Variants in ZFYVE28 observed in about 807,000 individuals in gnomAD.
The protein encoded by ZFYVE28 is zinc finger FYVE-type containing 28, also known as lateral signaling target protein 2 homolog.
Under a neutral mutation model 82.1 loss-of-function variants are expected in ZFYVE28, and 40 were observed. The observed-to-expected ratio is 0.49, with a 90% confidence interval of 0.38 to 0.63. ZFYVE28 has a LOEUF of 0.63. Among genes scored for constraint, ZFYVE28 ranks in the 30% least tolerant of loss-of-function variants. The probability of loss-of-function intolerance (pLI) is 0.00; values close to 1 mark genes in which losing one functional copy is unlikely to be tolerated. For missense variants in ZFYVE28, 1,321 were observed against 1,242.1 expected, an observed-to-expected ratio of 1.06 and a Z score of -0.96; for synonymous variants, 612 against 546.1, an observed-to-expected ratio of 1.12 and a Z score of -1.68.
intron 1 of ZFYVE28, among the ~76,000 whole-genome samples, chr4:2,398,355 G>A (rs915616254): frequency 6.6e-6 from 1 of 152,210 alleles, no homozygotes; most frequent in Non-Finnish European, 1.5e-5. Flanking sequence ...GCTTCTTCAA[G>A]GACTTCTGCT....
chr4:2,369,688 GGCCT>G (rs1727284386), intron 1 of ZFYVE28, among the ~76,000 whole-genome samples: 1 of 151,830 alleles, frequency 6.6e-6, no homozygotes, highest in East Asian at 1.9e-4. Flanking sequence ...CGGTGTGACG[GGCCT>G]GTAAGAAACC....
In ZFYVE28 at chr4:2,416,066, A is replaced by G. The variant is rs1006441253; in HGVS notation, c.39+2219T>C. Reference sequence around the variant, plus strand: ...TTCCATCCCTTCTCCGGAGGCACACAGCTCTGGGCTGATCCCTGGGATCAG... The same window carrying G: ...TTCCATCCCTTCTCCGGAGGCACACGGCTCTGGGCTGATCCCTGGGATCAG... On this transcript the variant is annotated intron_variant, in intron 1 of 12. Transcript: ENST00000290974. The surrounding 1 kb of genome is among the most constrained non-coding windows in gnomAD (Gnocchi z 4.6). 6.6e-6 allele frequency among the ~76,000 whole-genome samples: 1 copy of G among 152,194 alleles called. No homozygotes were observed. The highest frequency in any genetic ancestry group is 2.4e-5 in the African/African-American group (1 of 41,454).
chr4:2,356,826 T>C (rs1259955279), intron 1 of ZFYVE28, among the ~76,000 whole-genome samples: 2 of 152,200 alleles, frequency 1.3e-5, no homozygotes, highest in Admixed American at 1.3e-4. Context: ...TTCGAAGCCT[T>C]GTAGCTGTCA....
intron 1 of ZFYVE28, among the ~76,000 whole-genome samples, chr4:2,354,715 T>A (rs1174598102): frequency 6.6e-6 from 1 of 152,042 alleles, no homozygotes; most frequent in East Asian, 1.9e-4. Context: ...CGCCTCAGCC[T>A]CCCAAAGTGC....
chr4:2,335,298 G>A lies in ZFYVE28; in HGVS notation c.701+407C>T, dbSNP rs540574744. ...CCAATCACAGCCTCCTGAGGGACCC[G>A]GGGGGCAGCTCGTCCTCTTGTTACC... is the stretch of plus-strand genomic sequence containing the variant. On this transcript the variant is annotated intron_variant, in intron 6 of 12. Coordinates refer to ENST00000290974, the MANE Select transcript of ZFYVE28 (RefSeq NM_020972.3). This position sits in a 1 kb window ranked among gnomAD's most constrained non-coding sequence, Gnocchi z 5.8. 4.0e-5 allele frequency among the ~76,000 whole-genome samples: 6 copies of A among 151,598 alleles called. No homozygotes were observed. The highest frequency in any genetic ancestry group is 4.2e-4 in the South Asian group (2 of 4,782).
rs1722340787 is a variant in ZFYVE28 at position 2,339,155 on chromosome 4, C to G, written c.521+298G>C. 6.6e-6 allele frequency among the ~76,000 whole-genome samples: 1 copy of G among 152,212 alleles called. No individual in the cohort carries two copies. Among genetic ancestry groups the G allele is most frequent in the Non-Finnish European group, 1.5e-5 (1 of 68,026 alleles). The stretch of plus-strand genomic sequence containing the variant: ...CTCACCTGTGACGTCTCTTCATCTT[C>G]CGAGGCATCATGCATGTCTGGCCCC... On this transcript the variant is annotated intron_variant, in intron 4 of 12. Transcript: ENST00000290974. The surrounding 1 kb of genome is among the most constrained non-coding windows in gnomAD (Gnocchi z 5.0).
At chr4:2,330,409 G>A in intron 6 of ZFYVE28, 1 of 1,041,326 alleles carries the variant, frequency 9.6e-7, no homozygotes, top group Non-Finnish European at 1.2e-6. Context: ...GCAGAGGAGA[G>A]GACAGCACGG....
At chr4:2,344,997 G>T (rs1189038390) in intron 2 of ZFYVE28, among the ~76,000 whole-genome samples, 4 of 152,066 alleles carry the variant, frequency 2.6e-5, no homozygotes, top group Non-Finnish European at 5.9e-5. Flanking sequence ...AGATCACGAG[G>T]TCAGGAGATT....
chr4:2,364,329 G>A (rs549332675), intron 1 of ZFYVE28, among the ~76,000 whole-genome samples: 2 of 152,326 alleles, frequency 1.3e-5, no homozygotes, highest in South Asian at 4.1e-4. Context: ...CAGTCCTCCA[G>A]CCTGACCTGG....
chr4:2,345,821 AC>A (rs1723453622), intron 2 of ZFYVE28, among the ~76,000 whole-genome samples: 1 of 152,130 alleles, frequency 6.6e-6, no homozygotes, highest in Admixed American at 6.5e-5. Context: ...CATACAAGGA[AC>A]AAAGACAAAA....
At chr4:2,397,509 G>A (rs1053612574) in intron 1 of ZFYVE28, among the ~76,000 whole-genome samples, 1 of 149,580 alleles carries the variant, frequency 6.7e-6, no homozygotes, top group African/African-American at 2.5e-5. Flanking sequence ...TCACATTGCT[G>A]TGCAACCATC....
chr4:2,380,529 G>C (rs1306810932), intron 1 of ZFYVE28, among the ~76,000 whole-genome samples: 1 of 152,236 alleles, frequency 6.6e-6, no homozygotes. Flanking sequence ...TGGTTTGAAG[G>C]ATTTGTCATT....
At chr4:2,393,000 A>G (rs1409982023) in intron 1 of ZFYVE28, among the ~76,000 whole-genome samples, 3 of 152,366 alleles carry the variant, frequency 2.0e-5, no homozygotes, top group African/African-American at 7.2e-5. Flanking sequence ...AGGCAAATAA[A>G]TAGGATCTTT....
chr4:2,385,778 G>A (rs185061215), intron 1 of ZFYVE28, among the ~76,000 whole-genome samples: 2 of 152,250 alleles, frequency 1.3e-5, no homozygotes, highest in Admixed American at 1.3e-4. Context: ...GGCGGGACTT[G>A]ACACCCTCTC....
intron 8 of ZFYVE28, among the ~76,000 whole-genome samples, chr4:2,298,461 TCCTCTAAAAGGGATATC>T (rs1457249783): frequency 1.3e-5 from 2 of 152,166 alleles, no homozygotes; most frequent in Admixed American, 1.3e-4. Flanking sequence ...CTCCAGCGAT[TCCTCTAAAAGGGATATC>T]CCTCAGTGTC....
chr4:2,383,995 G>A (rs1299894279), intron 1 of ZFYVE28, among the ~76,000 whole-genome samples: 1 of 152,188 alleles, frequency 6.6e-6, no homozygotes, highest in Non-Finnish European at 1.5e-5. Flanking sequence ...CCATCACCCT[G>A]AAGTGTCTCC....
At chr4:2,346,576 A>C (rs2108872117) in intron 2 of ZFYVE28, among the ~76,000 whole-genome samples, 1 of 152,318 alleles carries the variant, frequency 6.6e-6, no homozygotes, top group East Asian at 1.9e-4. Context: ...TAACATACAA[A>C]AGTAAAATGT....
chr4:2,270,689 T>C lies in ZFYVE28; in HGVS notation c.*36A>G. 1 of 1,611,628 alleles carries C rather than the reference T, an allele frequency of 6.2e-7. No individual in the cohort carries two copies. The highest frequency in any genetic ancestry group is 8.5e-7 in the Non-Finnish European group (1 of 1,179,246). The stretch of plus-strand genomic sequence containing the variant: ...GTGGCCCCACCTTCCTGGGGGTTCC[T>C]GGCCCGGGTGGGTTGGGGCTGCCCC... On this transcript the variant is annotated 3_prime_UTR_variant, in exon 13 of 13. Coordinates refer to ENST00000290974, the MANE Select transcript of ZFYVE28 (RefSeq NM_020972.3).
chr4:2,351,003 T>A (rs1263636776), intron 2 of ZFYVE28, among the ~76,000 whole-genome samples: 1 of 152,316 alleles, frequency 6.6e-6, no homozygotes, highest in African/African-American at 2.4e-5. Context: ...CTGAGTTCTG[T>A]GAGCCACTCT....
Sources: allele counts gnomAD v4.1 joint callset (sites outside exome capture counted in the v4.1 genomes callset), GRCh38; gene constraint gnomAD v4.1.1; non-coding constraint Gnocchi (gnomAD v3.1); transcripts MANE v1.5; gene names NCBI Gene and HGNC (gene_info 2026-07-23, HGNC 2026-07-21).